The following WWP1 variants were observed in gnomAD, a reference collection of about 807,000 sequenced individuals.
WWP1 encodes WW domain containing E3 ubiquitin protein ligase 1, also known as NEDD4-like E3 ubiquitin-protein ligase WWP1.
In WWP1, 49 loss-of-function variants were observed where a neutral mutation model predicts 130.6. The observed-to-expected ratio is 0.38, with a 90% CI of 0.30 to 0.48. The LOEUF (loss-of-function observed/expected upper bound fraction) is 0.48. WWP1 is among the 20% of genes least tolerant of loss of function. The pLI, the probability that WWP1 is intolerant of heterozygous loss-of-function variation, is 0.99. For synonymous variants in WWP1, 332 were observed against 367.8 expected (o/e 0.90, Z 1.11); for missense variants, 809 against 1,100.6 (o/e 0.74, Z 3.75).
chr8:86,377,048 T>A (rs1439646989), intron 3 of WWP1, among the ~76,000 whole-genome samples: 3 of 152,118 alleles, frequency 2.0e-5, no homozygotes, highest in Non-Finnish European at 4.4e-5. Flanking sequence ...GGACTCCAAG[T>A]TGTTGCTCCT....
intron 20 of WWP1, among the ~76,000 whole-genome samples, chr8:86,451,214 TA>T (rs61141803): frequency 5.7e-4 from 25 of 43,658 alleles, no homozygotes; most frequent in African/African-American, 7.6e-4. Context: ...CCTATGTTAT[TA>T]AAAAAAAAAA....
chr8:86,357,358 T>G (rs1034097956), intron 1 of WWP1, among the ~76,000 whole-genome samples: 2 of 152,212 alleles, frequency 1.3e-5, no homozygotes, highest in Non-Finnish European at 2.9e-5. Flanking sequence ...TTTATATGAC[T>G]GCTAACAGCC....
rs910566260 is a variant in WWP1 at position 86,416,684 on chromosome 8, G to T, written c.1061+4810G>T. Among the ~76,000 whole-genome samples the T allele has an allele frequency of 4.0e-5, 6 of 151,854 alleles. No homozygotes were observed. The South Asian group carries it at 1.2e-3, about 32-fold the overall frequency. On this transcript the variant is annotated intron_variant, in intron 9 of 24. Transcript: ENST00000517970. ...CATACCTAAACACTAGGTAGAAGAG[G>T]GTTATGGTTGAAGGTGAAGTGTGGC...
At chr8:86,433,438 G>A (rs138979671) in intron 14 of WWP1, among the ~76,000 whole-genome samples, 22 of 151,868 alleles carry the variant, frequency 1.4e-4, no homozygotes, top group Non-Finnish European at 1.8e-4. Flanking sequence ...CTCTGGCCAG[G>A]CATGGTGGCA....
intron 16 of WWP1, 71 bp downstream of exon 16, chr8:86,435,775 GT>G: frequency 6.7e-7 from 1 of 1,500,074 alleles, no homozygotes; most frequent in Non-Finnish European, 9.1e-7. Context: ...GAAAGTCAGG[GT>G]TTTAGAGATT....
Position 86,426,001 on chromosome 8 carries a change from T to C in WWP1, c.1157+683T>C, listed in dbSNP as rs182921570. On this transcript the variant is annotated intron_variant, in intron 10 of 24. Coordinates refer to ENST00000517970, the MANE Select transcript of WWP1 (RefSeq NM_007013.4). ...ACATACTCAGATTTCCCTTCCAGAT[T>C]CAATTTAAAGCCCACCATTTTAAAA... 4.6e-5 allele frequency among the ~76,000 whole-genome samples: 7 copies of C among 152,328 alleles called. No individual in the cohort carries two copies. In the East Asian group the frequency reaches 1.3e-3, roughly 29 times the overall value.
chr8:86,429,295 A>C (rs1287098250), intron 11 of WWP1, among the ~76,000 whole-genome samples: 2 of 151,948 alleles, frequency 1.3e-5, no homozygotes, highest in African/African-American at 4.8e-5. Context: ...CACTCTACCA[A>C]CTCAGCTGCA....
chr8:86,378,261 G>A (rs1269352685), intron 3 of WWP1, among the ~76,000 whole-genome samples: 1 of 151,994 alleles, frequency 6.6e-6, no homozygotes, highest in African/African-American at 2.4e-5. Context: ...TTAAAATAAT[G>A]TATTAAATTG....
At chr8:86,355,966 AC>A (rs1823232049) in intron 1 of WWP1, among the ~76,000 whole-genome samples, 1 of 152,184 alleles carries the variant, frequency 6.6e-6, no homozygotes, top group African/African-American at 2.4e-5. Flanking sequence ...ATTCAGACTT[AC>A]TAGTTTCATG....
intron 3 of WWP1, among the ~76,000 whole-genome samples, chr8:86,377,750 A>G (rs1445488325): frequency 6.6e-6 from 1 of 152,216 alleles, no homozygotes; most frequent in Non-Finnish European, 1.5e-5. Context: ...TCAACAGGAA[A>G]CTGTCAGAAG....
intron 5 of WWP1, among the ~76,000 whole-genome samples, chr8:86,382,146 GAC>G (rs999804815): frequency 9.2e-5 from 14 of 152,012 alleles, no homozygotes; most frequent in African/African-American, 2.9e-4. Context: ...GTTTTTCATA[GAC>G]ACAAACATAT....
At chr8:86,358,347 A>G (rs1457488900) in intron 1 of WWP1, among the ~76,000 whole-genome samples, 4 of 152,100 alleles carry the variant, frequency 2.6e-5, no homozygotes, top group South Asian at 2.1e-4. Flanking sequence ...TTTCAGTTCT[A>G]TGCTATATAG....
chr8:86,445,621 A>T (rs768357613), intron 18 of WWP1, among the ~76,000 whole-genome samples: 16 of 152,112 alleles, frequency 1.1e-4, no homozygotes, highest in Non-Finnish European at 1.5e-4. Context: ...GGGAACATAC[A>T]GTGCTTGTGT....
intron 22 of WWP1, among the ~76,000 whole-genome samples, chr8:86,459,005 T>C: frequency 6.8e-6 from 1 of 146,752 alleles, no homozygotes; most frequent in East Asian, 2.0e-4. Context: ...GGAGTCATTC[T>C]TTTTCTTTTT....
In WWP1 at chr8:86,384,092, A is replaced by G. The variant is rs972908095; in HGVS notation, c.334+2463A>G. Among the ~76,000 whole-genome samples the G allele has an allele frequency of 3.3e-5, 5 of 152,224 alleles. No homozygotes were observed. The East Asian group carries it at 9.7e-4, about 30-fold the overall frequency. The stretch of plus-strand genomic sequence containing the variant: ...TCTTCACATGGTCTTCCCTCTGTAT[A>G]TGTGTCTGCGTCCAAATTTCCCCTT... On this transcript the variant is annotated intron_variant, in intron 5 of 24. Coordinates refer to ENST00000517970, the MANE Select transcript of WWP1 (RefSeq NM_007013.4).
chr8:86,381,959 C>T (rs1467307967), intron 5 of WWP1, among the ~76,000 whole-genome samples: 1 of 152,066 alleles, frequency 6.6e-6, no homozygotes, highest in Non-Finnish European at 1.5e-5. Context: ...CACTTGACTA[C>T]TAACAATTTT....
intron 9 of WWP1, among the ~76,000 whole-genome samples, chr8:86,421,651 C>T (rs776653446): frequency 1.3e-5 from 2 of 151,862 alleles, no homozygotes; most frequent in African/African-American, 2.4e-5. Flanking sequence ...GGTGAAACCC[C>T]GTCTCTACTA....
intron 3 of WWP1, among the ~76,000 whole-genome samples, chr8:86,374,392 A>C (rs1328866831): frequency 1.3e-5 from 2 of 152,132 alleles, no homozygotes; most frequent in African/African-American, 4.8e-5. Flanking sequence ...TTGGCCCTTA[A>C]ATGATTAATA....
intron 8 of WWP1, among the ~76,000 whole-genome samples, chr8:86,409,207 ATTCTTT>A (rs1174001712): frequency 2.5e-5 from 3 of 119,364 alleles, no homozygotes; most frequent in Non-Finnish European, 5.5e-5. Context: ...ATTTTAATTT[ATTCTTT>A]TTCTTTTTCT....
Sources: gnomAD v4.1 joint callset for allele counts (sites outside exome capture counted in the v4.1 genomes callset) on GRCh38, gnomAD v4.1.1 for gene constraint, MANE v1.5 for transcripts, NCBI Gene and HGNC (gene_info 2026-07-23, HGNC 2026-07-21) for gene names.